The following MAP1LC3B2 variants were observed in gnomAD, a reference collection of about 807,000 sequenced individuals.
MAP1LC3B2 encodes microtubule-associated protein 1 light chain 3 beta 2.
For synonymous variants in MAP1LC3B2, 62 were observed against 57.8 expected, an observed-to-expected ratio of 1.07 and a Z score of -0.33; for missense variants, 155 against 154.6, an observed-to-expected ratio of 1.00 and a Z score of -0.01.
chr12:116,569,223 T>C (rs940586171), intron 1 of MAP1LC3B2, among the ~76,000 whole-genome samples: 1 of 152,168 alleles, frequency 6.6e-6, no homozygotes, highest in African/African-American at 2.4e-5. Flanking sequence ...TATTCTGTTA[T>C]AGTAGCAGAA....
intron 1 of MAP1LC3B2, among the ~76,000 whole-genome samples, chr12:116,573,034 C>T (rs1869581090): frequency 6.6e-6 from 1 of 152,160 alleles, no homozygotes; most frequent in African/African-American, 2.4e-5. Context: ...AAGCGATTCT[C>T]CTGCCTCAGT....
chr12:116,566,124 A>G (rs1869379814), intron 1 of MAP1LC3B2, among the ~76,000 whole-genome samples: 1 of 152,178 alleles, frequency 6.6e-6, no homozygotes, highest in South Asian at 2.1e-4. Context: ...GAGAACAGAG[A>G]TTCTCTGAGC....
intron 1 of MAP1LC3B2, chr12:116,560,227 T>TACAC (rs1566022597): frequency 7.5e-6 from 1 of 132,844 alleles, no homozygotes; most frequent in African/African-American, 2.9e-5. Context: ...TATATATATA[T>TACAC]ATATATATAT....
At chr12:116,560,187 GCTATATATATATAT>G (rs1869216529) in intron 1 of MAP1LC3B2, 1 of 81,508 alleles carries the variant, frequency 1.2e-5, no homozygotes, top group African/African-American at 5.0e-5. Flanking sequence ...GCTAAGTTTG[GCTATATATATATAT>G]ATATATATAT....
At chr12:116,564,945 C>A (rs1449359398) in intron 1 of MAP1LC3B2, among the ~76,000 whole-genome samples, 1 of 152,188 alleles carries the variant, frequency 6.6e-6, no homozygotes, top group African/African-American at 2.4e-5. Flanking sequence ...TCTACACTAC[C>A]TGTGGCCCAA....
At chr12:116,565,563 A>C (rs1043353877) in intron 1 of MAP1LC3B2, among the ~76,000 whole-genome samples, 1 of 152,226 alleles carries the variant, frequency 6.6e-6, no homozygotes, top group African/African-American at 2.4e-5. Flanking sequence ...GGGTGGGGAC[A>C]CAGAGCCAAA....
chr12:116,576,311 G>C lies in MAP1LC3B2; in HGVS notation c.369G>C (p.Leu123Phe), dbSNP rs561512166. ...CASQETFGMKLSV is the reference protein window; with the variant it reads ...CASQETFGMKFSV ...CCCAGGAGACGTTCGGGATGAAATT[G>C]TCAGTGTAAAACCAGAAAAAATGCA... The change falls in exon 2 of 2, where the codon TTG (leucine) becomes TTC (phenylalanine). Residue 123 changes from leucine (L) to phenylalanine (F), a missense_variant. Leu to Phe is a conservative substitution (Grantham distance 22, BLOSUM62 0). Transcript: ENST00000556529. The C allele has an allele frequency of 1.9e-6, 3 of 1,613,534 alleles. No individual in the cohort carries two copies. In the South Asian group the frequency reaches 3.3e-5, roughly 18 times the overall value.
In MAP1LC3B2 at chr12:116,576,045, A is replaced by C; in HGVS notation, c.103A>C (p.Ile35Leu). ...EQHPTKIPVI[I>L]ERYKGEKQLP... is the part of the protein sequence containing the mutation. The stretch of plus-strand genomic sequence containing the variant: ...GCATCCAACCAAAATCCCGGTGATA[A>C]TAGAACGATACAAGGGTGAGAAGCA... The change falls in exon 2 of 2, where the codon ATA becomes CTA. Residue 35 changes from isoleucine to leucine, a missense_variant. Transcript: ENST00000556529. 6.2e-7 allele frequency: 1 copy of C among 1,614,250 alleles called. No individual in the cohort carries two copies. Among genetic ancestry groups the C allele is most frequent in the Non-Finnish European group, 8.5e-7 (1 of 1,180,052 alleles).
At chr12:116,561,155 G>A (rs1386547898) in intron 1 of MAP1LC3B2, among the ~76,000 whole-genome samples, 1 of 151,988 alleles carries the variant, frequency 6.6e-6, no homozygotes, top group Non-Finnish European at 1.5e-5. Context: ...TGTGCCTGTG[G>A]TCCCAGCTAC....
intron 1 of MAP1LC3B2, among the ~76,000 whole-genome samples, chr12:116,572,018 A>G (rs913487979): frequency 3.3e-5 from 5 of 151,818 alleles, no homozygotes; most frequent in African/African-American, 1.2e-4. Flanking sequence ...CAAATAAAGG[A>G]AAAGAAGGGT....
Position 116,567,775 on chromosome 12 carries a change from T to C in MAP1LC3B2, c.-101-8067T>C, listed in dbSNP as rs181373928. Among the ~76,000 whole-genome samples the C allele has an allele frequency of 2.0e-3, 309 of 151,542 alleles. 1 individual carries two copies. Among genetic ancestry groups the C allele is most frequent in the African/African-American group, 7.0e-3 (289 of 41,378 alleles). On this transcript the variant is annotated intron_variant, in intron 1 of 1. Transcript: ENST00000556529. The stretch of plus-strand genomic sequence containing the variant: ...AAATAAAAATAAAAAAATATATATA[T>C]ATATGTAAACCCTCTAAGGGTTTCG...
chr12:116,563,086 C>T (rs578194773), intron 1 of MAP1LC3B2, among the ~76,000 whole-genome samples: 4 of 152,226 alleles, frequency 2.6e-5, no homozygotes, highest in South Asian at 2.1e-4. Flanking sequence ...CTCAGCCTCT[C>T]GAGTAGCTGG....
At chr12:116,571,083 C>A (rs936735636) in intron 1 of MAP1LC3B2, among the ~76,000 whole-genome samples, 1 of 152,148 alleles carries the variant, frequency 6.6e-6, no homozygotes, top group Non-Finnish European at 1.5e-5. Flanking sequence ...CCAAAACAAA[C>A]GGCTTAAAGC....
intron 1 of MAP1LC3B2, among the ~76,000 whole-genome samples, chr12:116,562,942 A>C (rs570278209): frequency 6.6e-6 from 1 of 152,276 alleles, no homozygotes; most frequent in South Asian, 2.1e-4. Flanking sequence ...ATTTTTGCTC[A>C]GCCCAAACAA....
chr12:116,570,626 G>A (rs1869503468), intron 1 of MAP1LC3B2, among the ~76,000 whole-genome samples: 1 of 152,102 alleles, frequency 6.6e-6, no homozygotes, highest in Non-Finnish European at 1.5e-5. Flanking sequence ...CTTTCACTTG[G>A]CTCTCATTCT....
chr12:116,563,810 T>G (rs1869326213), intron 1 of MAP1LC3B2, among the ~76,000 whole-genome samples: 1 of 152,228 alleles, frequency 6.6e-6, no homozygotes, highest in African/African-American at 2.4e-5. Context: ...TTGTTTCTCC[T>G]GGTTCTTTAA....
At chr12:116,562,430 C>T (rs571058991) in intron 1 of MAP1LC3B2, among the ~76,000 whole-genome samples, 4 of 152,176 alleles carry the variant, frequency 2.6e-5, no homozygotes, top group South Asian at 2.1e-4. Context: ...GACCTCTTAT[C>T]CCTATTTTAT....
At chr12:116,559,548 C>A (rs1869197285) in intron 1 of MAP1LC3B2, 115 bp downstream of exon 1, 2 of 152,248 alleles carry the variant, frequency 1.3e-5, no homozygotes, top group Admixed American at 1.3e-4. Context: ...GGGCCACACC[C>A]TAGAAAAACC....
rs1474673427 is a variant in MAP1LC3B2 at position 116,570,384 on chromosome 12, G to T, written c.-101-5458G>T. ...AATAGGCTTTGTGTTAGATGATTTT[G>T]CCCAACTGTAGGTTAATATAAGTGT... On this transcript the variant is annotated intron_variant, in intron 1 of 1. Transcript: ENST00000556529. Among the ~76,000 whole-genome samples the T allele has an allele frequency of 2.0e-5, 3 of 152,160 alleles. No homozygotes were observed. In the East Asian group the frequency reaches 5.8e-4, roughly 29 times the overall value.
Sources: allele counts gnomAD v4.1 joint callset (sites outside exome capture counted in the v4.1 genomes callset), GRCh38; gene constraint gnomAD v4.1.1; transcripts MANE v1.5; gene names NCBI Gene and HGNC (gene_info 2026-07-23, HGNC 2026-07-21).